TRPV4: variants seen among roughly 807,000 people sequenced by gnomAD.
TRPV4 encodes transient receptor potential cation channel subfamily V member 4, also known as OSM9-like transient receptor potential channel 4.
Under a neutral mutation model 84.1 loss-of-function variants are expected in TRPV4, and 58 were observed. The observed-to-expected ratio is 0.69, with a 90% confidence interval of 0.56 to 0.86. TRPV4 has a LOEUF of 0.86. Ranked by LOEUF, TRPV4 falls within the 40% of genes least tolerant of loss-of-function variation. The pLI is 0.00. For synonymous variants in TRPV4, 489 were observed against 500.9 expected, an observed-to-expected ratio of 0.98 and a Z score of 0.32; for missense variants, 879 against 1,181.1, an observed-to-expected ratio of 0.74 and a Z score of 3.75.
rs1429615048 is a variant in TRPV4 at position 109,796,324 on chromosome 12, C to T, written c.1332+201G>A. On this transcript the variant is annotated intron_variant, in intron 7 of 15. Coordinates refer to ENST00000261740, the MANE Select transcript of TRPV4 (RefSeq NM_021625.5). This position sits in a 1 kb window ranked among gnomAD's most constrained non-coding sequence, Gnocchi z 4.2. ...TACCTGCCCCAAAAGTCCATCTTCC[C>T]ACAAGTCTTGCTCATTTCCTCACAT... is the stretch of plus-strand genomic sequence containing the variant. Among the ~76,000 whole-genome samples the T allele has an allele frequency of 6.6e-6, 1 of 152,162 alleles. No homozygotes were observed. The highest frequency in any genetic ancestry group is 1.5e-5 in the Non-Finnish European group (1 of 68,030).
In TRPV4 at chr12:109,793,927, T is replaced by TA. The variant is rs1890207399; in HGVS notation, c.1584+2dup. The TA allele has an allele frequency of 1.2e-6, 2 of 1,606,112 alleles. No individual in the cohort carries two copies. Among genetic ancestry groups the TA allele is most frequent in the South Asian group, 2.2e-5 (2 of 88,898 alleles). ...GTGGGGGGCACGGGGGCCAGGCACTTACGTTGGTGAAGAAGAACAGGACCC... is the reference window on the plus strand; with the variant it reads ...GTGGGGGGCACGGGGGCCAGGCACTTAACGTTGGTGAAGAAGAACAGGACCC... On this transcript the variant is annotated splice_region_variant and intron_variant, in intron 9 of 15. Coordinates refer to ENST00000261740, the MANE Select transcript of TRPV4 (RefSeq NM_021625.5). The surrounding 1 kb of genome is among the most constrained non-coding windows in gnomAD (Gnocchi z 4.0).
Position 109,786,050 on chromosome 12 carries a change from G to A in TRPV4, c.2336+660C>T, listed in dbSNP as rs913558875. ...TTGAACTGATCGGATGGCCTAGGAGGTGGGTTCTATTATTGTTCCCATTTC... is the reference window on the plus strand; with the variant it reads ...TTGAACTGATCGGATGGCCTAGGAGATGGGTTCTATTATTGTTCCCATTTC... On this transcript the variant is annotated intron_variant, in intron 14 of 15. Transcript: ENST00000261740. The surrounding 1 kb of genome is among the most constrained non-coding windows in gnomAD (Gnocchi z 4.5). 7.2e-5 allele frequency among the ~76,000 whole-genome samples: 11 copies of A among 152,188 alleles called. No homozygotes were observed. Among genetic ancestry groups the A allele is most frequent in the Non-Finnish European group, 1.3e-4 (9 of 68,002 alleles).
chr12:109,800,992 G>A (rs1486006143), intron 4 of TRPV4, among the ~76,000 whole-genome samples: 5 of 152,244 alleles, frequency 3.3e-5, no homozygotes, highest in African/African-American at 1.2e-4. Flanking sequence ...CTGAATGTGA[G>A]AAGTTTTTAG....
In TRPV4 at chr12:109,796,573, C is replaced by T. The variant is rs150773110; in HGVS notation, c.1284G>A (p.Gly428=). 272 of 1,614,188 alleles carry T rather than the reference C, an allele frequency of 1.7e-4. No individual in the cohort carries two copies. In the African/African-American group the frequency reaches 2.7e-3, roughly 16 times the overall value. The part of the protein sequence containing the change: ...LYDLSSLDTC[G]EEASVLEILV... ...GGATCTCCAGCACGGAGGCCTCTTC[C>T]CCACACGTGTCCAGGGAGGAGAGGT... The change falls in exon 7 of 16, where the codon GGG becomes GGA. Residue 428 remains glycine, a synonymous_variant. Transcript: ENST00000261740. The surrounding 1 kb of genome is among the most constrained non-coding windows in gnomAD (Gnocchi z 4.2).
Position 109,783,272 on chromosome 12 carries a change from A to C in TRPV4, c.*349T>G. The C allele has an allele frequency of 7.8e-6, 2 of 256,120 alleles. No individual in the cohort carries two copies. Among genetic ancestry groups the C allele is most frequent in the Non-Finnish European group, 1.5e-5 (2 of 133,800 alleles). The allele number at this position is 256,120 out of a possible 1,614,324, so 15.9% of individuals were successfully genotyped here. ...GGCTTGGCCGGGCAGTGCACTTGGA[A>C]CGGGGTCCTAAGGCCTCTGCCAGGT... is the stretch of plus-strand genomic sequence containing the variant. On this transcript the variant is annotated 3_prime_UTR_variant, in exon 16 of 16. Transcript: ENST00000261740. This position sits in a 1 kb window ranked among gnomAD's most constrained non-coding sequence, Gnocchi z 4.6.
intron 7 of TRPV4, among the ~76,000 whole-genome samples, chr12:109,794,693 AGAACTCG>A (rs1422960913): frequency 6.6e-6 from 1 of 152,196 alleles, no homozygotes; most frequent in Non-Finnish European, 1.5e-5. Flanking sequence ...CTAGCATCAC[AGAACTCG>A]GAACTGGAAA....
intron 1 of TRPV4, among the ~76,000 whole-genome samples, chr12:109,821,656 G>A (rs1453189433): frequency 1.3e-5 from 2 of 151,928 alleles, no homozygotes; most frequent in Admixed American, 1.3e-4. Flanking sequence ...CAGCCTCCTC[G>A]AGTAGCTGGG....
chr12:109,788,716 G>A lies in TRPV4; in HGVS notation c.1892C>T (p.Ala631Val). 2 of 1,614,094 alleles carry A rather than the reference G, an allele frequency of 1.2e-6. No homozygotes were observed. The highest frequency in any genetic ancestry group is 8.5e-7 in the Non-Finnish European group (1 of 1,180,036). The change falls in exon 13 of 16, where the codon GCC (alanine) becomes GTC (valine). Residue 631 changes from alanine (A) to valine (V), a missense_variant and splice_region_variant. This residue lies in a region of TRPV4 where 242 missense variants were observed against 355.3 expected (regional missense o/e 0.68). Transcript: ENST00000261740. ...ACACGGGTTCAGGAGGGAGACCAGG[G>A]CTGTGGGAGGATAGGGGTGGCACTC... ...YLLFMIGYAS[A>V]LVSLLNPCAN... is the part of the protein sequence containing the mutation.
At chr12:109,794,132 C>T in intron 8 of TRPV4, 110 bp from the exon 9 acceptor site, 1 of 1,137,032 alleles carries the variant, frequency 8.8e-7, no homozygotes, top group Non-Finnish European at 1.3e-6. Context: ...GAGCCTCCTC[C>T]TTCACTCTCT....
At chr12:109,792,598 G>T in intron 11 of TRPV4, 54 bp downstream of exon 11, 1 of 1,607,012 alleles carries the variant, frequency 6.2e-7, no homozygotes. Flanking sequence ...CATGTGGTGT[G>T]TGTGTGACTC....
chr12:109,804,075 G>A (rs755073663), intron 3 of TRPV4, among the ~76,000 whole-genome samples: 78 of 152,126 alleles, frequency 5.1e-4, no homozygotes, highest in Middle Eastern at 3.2e-3. Flanking sequence ...AATCTTGGGG[G>A]TTCTAGGGGG....
intron 4 of TRPV4, 35 bp from the exon 5 acceptor site, chr12:109,800,793 G>A (rs201624840): frequency 3.7e-5 from 59 of 1,609,374 alleles, no homozygotes; most frequent in East Asian, 1.1e-4. Context: ...GGGTCCTGGC[G>A]GAGCAGAGAC....
chr12:109,784,178 C>G (rs1457479699), intron 15 of TRPV4, 138 bp downstream of exon 15: 1 of 1,384,392 alleles, frequency 7.2e-7, no homozygotes, highest in Non-Finnish European at 1.0e-6. Context: ...CATTCACAAG[C>G]AGCAGAGGAA....
chr12:109,828,545 G>C (rs1799034321), intron 1 of TRPV4, among the ~76,000 whole-genome samples: 1 of 152,196 alleles, frequency 6.6e-6, no homozygotes, highest in Non-Finnish European at 1.5e-5. Flanking sequence ...CCCTCCTCAA[G>C]TTGGCAGAGC....
In TRPV4 at chr12:109,794,483, C is replaced by G; in HGVS notation, c.1337G>C (p.Arg446Pro). The G allele has an allele frequency of 6.2e-7, 1 of 1,613,684 alleles. No individual in the cohort carries two copies. Among genetic ancestry groups the G allele is most frequent in the Non-Finnish European group, 8.5e-7 (1 of 1,179,890 alleles). Residue 446 changes from arginine (R) to proline (P), a missense_variant, in exon 8 of 16, where the codon CGC becomes CCC. By Grantham distance (103) the Arg-to-Pro change is moderately radical. This residue lies in a region of TRPV4 where 521 missense variants were observed against 686.6 expected (regional missense o/e 0.76). Transcript: ENST00000261740. ...ILVYNSKIEN[R>P]HEMLAVEPIN... The stretch of plus-strand genomic sequence containing the variant: ...GGGCTCCACAGCCAGCATCTCGTGG[C>G]GGTTCTAAGAGAGGCAGGGTGGTCG...
intron 1 of TRPV4, among the ~76,000 whole-genome samples, chr12:109,827,092 C>T (rs762233344): frequency 3.3e-5 from 5 of 152,200 alleles, no homozygotes; most frequent in African/African-American, 9.7e-5. Context: ...CTCTCCAGGG[C>T]AGACAGGTCT....
At chr12:109,816,516 G>A (rs746678333) in intron 1 of TRPV4, among the ~76,000 whole-genome samples, 10 of 152,166 alleles carry the variant, frequency 6.6e-5, no homozygotes, top group Non-Finnish European at 1.0e-4. Context: ...AGCAGCTCAC[G>A]CCTGTAACCC....
intron 3 of TRPV4, among the ~76,000 whole-genome samples, chr12:109,805,343 C>T (rs1269551171): frequency 6.6e-6 from 1 of 152,172 alleles, no homozygotes; most frequent in Admixed American, 6.5e-5. Context: ...ACCCTGGATT[C>T]GGGCTTTCAG....
rs56177950 is a variant in TRPV4, at chr12:109,792,792, C to T, written c.1684G>A (p.Val562Ile). 15,881 of 1,613,870 alleles carry T rather than the reference C, an allele frequency of 9.8e-3. 92 individuals carry two copies. Among genetic ancestry groups the T allele is most frequent in the Non-Finnish European group, 0.011 (13,349 of 1,179,996 alleles). The change falls in exon 11 of 16, where the codon GTC becomes ATC. Residue 562 changes from valine to isoleucine, a missense_variant. Val to Ile is a conservative substitution (Grantham distance 29). This residue lies in a region of TRPV4 where 521 missense variants were observed against 686.6 expected (regional missense o/e 0.76). Coordinates refer to ENST00000261740, the MANE Select transcript of TRPV4 (RefSeq NM_021625.5). ...LYFIYSVLVIVSAALYLAGIE... is the reference protein window; with the variant it reads ...LYFIYSVLVIISAALYLAGIE... ...CCTGCCAGGTAGAGGGCTGCTGAGACGATCACCAGGACAGAGTAGATGAAG... is the reference window on the plus strand; with the variant it reads ...CCTGCCAGGTAGAGGGCTGCTGAGATGATCACCAGGACAGAGTAGATGAAG...
Sources: allele counts gnomAD v4.1 joint callset (sites outside exome capture counted in the v4.1 genomes callset), GRCh38; gene constraint gnomAD v4.1.1; regional missense constraint gnomAD v4.1.1; non-coding constraint Gnocchi (gnomAD v3.1); transcripts MANE v1.5; gene names NCBI Gene and HGNC (gene_info 2026-07-23, HGNC 2026-07-21).